KANK4: variants seen among roughly 807,000 people sequenced by gnomAD.
KANK4 encodes the protein KN motif and ankyrin repeat domain-containing protein 4.
In KANK4, 50 loss-of-function variants were observed where a neutral mutation model predicts 80.8. The ratio of observed to expected loss-of-function variants is 0.62; its 90% CI spans 0.49 to 0.78. KANK4 has a LOEUF of 0.78. Ranked by LOEUF, KANK4 falls within the 30% of genes least tolerant of loss-of-function variation. KANK4 has a pLI of 0.00. For synonymous variants in KANK4, 465 were observed against 506.9 expected (o/e 0.92, Z 1.11); for missense variants, 1,196 against 1,240.1 (o/e 0.96, Z 0.53).
intron 1 of KANK4, among the ~76,000 whole-genome samples, chr1:62,311,028 T>C (rs1328331190): frequency 6.6e-6 from 1 of 151,518 alleles, no homozygotes; most frequent in Non-Finnish European, 1.5e-5. Flanking sequence ...GGGTTAAGGG[T>C]GGGAGGGGAA....
Position 62,274,651 on chromosome 1 carries a change from A to G in KANK4, c.453T>C (p.Thr151=). 1 of 1,614,178 alleles carries G rather than the reference A, an allele frequency of 6.2e-7. No individual in the cohort carries two copies. Among genetic ancestry groups the G allele is most frequent in the South Asian group, 1.1e-5 (1 of 91,082 alleles). The change falls in exon 3 of 10, where the codon ACT becomes ACC. Residue 151 remains threonine, a synonymous_variant. Transcript: ENST00000371153. ...AGAGCTGGGGCCGTCCACTCCCAAA[A>G]GTGAGCTCGGCATCCTCTGGCTCAG... is the stretch of plus-strand genomic sequence containing the variant. ...EAAEPEDAEL[T]FGSGRPQLLR...
At chr1:62,268,139 T>G in intron 5 of KANK4, 148 bp downstream of exon 5, 1 of 702,090 alleles carries the variant, frequency 1.4e-6, no homozygotes, top group Non-Finnish European at 2.5e-6. Flanking sequence ...ATTCAACCAG[T>G]GCACAGTGTG....
At chr1:62,307,300 T>A (rs1571050401) in intron 1 of KANK4, among the ~76,000 whole-genome samples, 1 of 151,920 alleles carries the variant, frequency 6.6e-6, no homozygotes, top group African/African-American at 2.4e-5. Context: ...CGGGCCAACA[T>A]GGTGAAACCT....
chr1:62,246,915 C>T (rs1570961079), intron 9 of KANK4, among the ~76,000 whole-genome samples: 1 of 152,200 alleles, frequency 6.6e-6, no homozygotes. Flanking sequence ...CTCCCACCAC[C>T]AGGTCCAGCT....
At chr1:62,294,848 C>T (rs1459439164) in intron 1 of KANK4, among the ~76,000 whole-genome samples, 1 of 152,228 alleles carries the variant, frequency 6.6e-6, no homozygotes. Context: ...ATCAAAGAGA[C>T]TTCAGGAGAG....
chr1:62,285,179 A>G (rs1162193067), intron 1 of KANK4, among the ~76,000 whole-genome samples: 2 of 152,014 alleles, frequency 1.3e-5, no homozygotes, highest in Non-Finnish European at 2.9e-5. Context: ...AGCTTGTGTG[A>G]CTCCATCATT....
At chr1:62,268,606 T>C (rs1672086728) in intron 4 of KANK4, 101 bp from the exon 5 acceptor site, 2 of 879,758 alleles carry the variant, frequency 2.3e-6, no homozygotes, top group Non-Finnish European at 1.8e-6. Flanking sequence ...CTCCGCAGCT[T>C]GCTAATCTCC....
chr1:62,275,472 A>G (rs1433613629), intron 2 of KANK4, among the ~76,000 whole-genome samples: 1 of 152,192 alleles, frequency 6.6e-6, no homozygotes, highest in African/African-American at 2.4e-5. Flanking sequence ...CAGGGTACTA[A>G]TTGGCAATTA....
At chr1:62,281,930 G>T (rs771810787) in intron 1 of KANK4, among the ~76,000 whole-genome samples, 11 of 152,122 alleles carry the variant, frequency 7.2e-5, no homozygotes, top group Non-Finnish European at 1.2e-4. Context: ...TTGCTCTAAG[G>T]TGTCTCAGAC....
chr1:62,315,556 A>G (rs1353537498), intron 1 of KANK4, among the ~76,000 whole-genome samples: 1 of 152,142 alleles, frequency 6.6e-6, no homozygotes, highest in Non-Finnish European at 1.5e-5. Context: ...TATCCACGCC[A>G]TCATCCAGAA....
At chr1:62,270,672 C>T (rs1356729870) in intron 4 of KANK4, among the ~76,000 whole-genome samples, 1 of 152,124 alleles carries the variant, frequency 6.6e-6, no homozygotes, top group Non-Finnish European at 1.5e-5. Flanking sequence ...GCATGAGCCA[C>T]AGCGACTGGC....
chr1:62,257,540 A>T (rs540980229), intron 7 of KANK4, among the ~76,000 whole-genome samples: 1 of 152,356 alleles, frequency 6.6e-6, no homozygotes, highest in East Asian at 1.9e-4. Context: ...AGGACGGATC[A>T]CTTGGGGTTG....
At chr1:62,293,869 A>T (rs1365774123) in intron 1 of KANK4, among the ~76,000 whole-genome samples, 1 of 152,168 alleles carries the variant, frequency 6.6e-6, no homozygotes, top group Non-Finnish European at 1.5e-5. Context: ...CACCTCCCCA[A>T]GATTGAAACT....
At chr1:62,312,274 G>A (rs1644503724) in intron 1 of KANK4, among the ~76,000 whole-genome samples, 1 of 152,164 alleles carries the variant, frequency 6.6e-6, no homozygotes, top group Non-Finnish European at 1.5e-5. Context: ...ATCTGTCGCA[G>A]CTAAAATGTA....
rs748802489 is a variant in KANK4 at position 62,263,245 on chromosome 1, C to T, written c.2386G>A (p.Ala796Thr). ...RVSSRKSSSP[A>T]VVASYLHEVQ... is the part of the protein sequence containing the mutation. ...TCGTGGAGGTAGGAGGCCACCACGG[C>T]GGGGCTAGACGACTTCCGGCTGGAG... The change falls in exon 7 of 10, where the codon GCC becomes ACC. Residue 796 changes from alanine (A) to threonine (T), a missense_variant. Physicochemically the swap from Ala to Thr is moderately conservative, Grantham distance 58 (BLOSUM62 0). Transcript: ENST00000371153. 3 of 1,613,406 alleles carry T rather than the reference C, an allele frequency of 1.9e-6. No homozygotes were observed. The highest frequency in any genetic ancestry group is 2.5e-6 in the Non-Finnish European group (3 of 1,179,850).
intron 9 of KANK4, among the ~76,000 whole-genome samples, chr1:62,246,194 T>C (rs377676597): frequency 9.8e-5 from 15 of 152,322 alleles, no homozygotes; most frequent in African/African-American, 3.6e-4. Flanking sequence ...CTATTGTTAC[T>C]GATTAGTTAC....
chr1:62,244,965 A>T (rs1256738494), intron 9 of KANK4, among the ~76,000 whole-genome samples: 2 of 152,180 alleles, frequency 1.3e-5, no homozygotes, highest in African/African-American at 4.8e-5. Flanking sequence ...GCTCTCTCGT[A>T]CCTGTGACAG....
At chr1:62,257,021 G>A (rs1253227353) in intron 7 of KANK4, among the ~76,000 whole-genome samples, 1 of 152,164 alleles carries the variant, frequency 6.6e-6, no homozygotes, top group Non-Finnish European at 1.5e-5. Flanking sequence ...TCAGTAGAAT[G>A]AGGTCTGACA....
intron 2 of KANK4, among the ~76,000 whole-genome samples, chr1:62,275,850 GAGGGAGGGAGGA>G: frequency 7.4e-6 from 1 of 135,834 alleles, no homozygotes; most frequent in African/African-American, 2.8e-5. Context: ...GAGAGGGAGG[GAGGGAGGGAGGA>G]AGGAAGGGAG....
Sources: gnomAD v4.1 joint callset for allele counts (sites outside exome capture counted in the v4.1 genomes callset) on GRCh38, gnomAD v4.1.1 for gene constraint, MANE v1.5 for transcripts, NCBI Gene and HGNC (gene_info 2026-07-23, HGNC 2026-07-21) for gene names.